Variants in SNRNP200 observed in about 807,000 individuals in gnomAD.
The protein encoded by SNRNP200 is small nuclear ribonucleoprotein U5 subunit 200, also known as U5 small nuclear ribonucleoprotein 200 kDa helicase.
In SNRNP200, 66 loss-of-function variants were observed where a neutral mutation model predicts 255.2. The ratio of observed to expected loss-of-function variants is 0.26; its 90% CI spans 0.21 to 0.32. The LOEUF (loss-of-function observed/expected upper bound fraction) is 0.32. Among genes scored for constraint, SNRNP200 ranks in the 10% least tolerant of loss-of-function variants. The pLI is 1.00. For synonymous variants in SNRNP200, 939 were observed against 1,027.8 expected, an observed-to-expected ratio of 0.91 and a Z score of 1.65; for missense variants, 1,585 against 2,749.8, an observed-to-expected ratio of 0.58 and a Z score of 9.47.
chr2:96,278,680 C>T lies in SNRNP200; in HGVS notation c.5355G>A (p.Leu1785=), dbSNP rs1231274174. ...TCAGGGTCTGCTCCACCAGCTCTGA[C>T]AAGTGGTCCGACAAGTGACGATGGG... ...GISHRHLSDH[L]SELVEQTLSD... is the part of the protein sequence containing the mutation. Residue 1785 remains leucine (L), a synonymous_variant, in exon 38 of 45, where the codon TTG becomes TTA. Coordinates refer to ENST00000323853, the MANE Select transcript of SNRNP200 (RefSeq NM_014014.5). The surrounding 1 kb of genome is among the most constrained non-coding windows in gnomAD (Gnocchi z 6.9). 3 of 1,614,110 alleles carry T rather than the reference C, an allele frequency of 1.9e-6. No individual in the cohort carries two copies. The highest frequency in any genetic ancestry group is 1.7e-6 in the Non-Finnish European group (2 of 1,180,050).
chr2:96,288,112 C>T (rs1005870116), intron 24 of SNRNP200, 143 bp from the exon 25 acceptor site: 5 of 748,706 alleles, frequency 6.7e-6, no homozygotes, highest in Non-Finnish European at 1.2e-5. Context: ...TGTCTTTACG[C>T]CTTTCTCCGT....
At position 96,289,913 on chromosome 2, in the gene SNRNP200, G is replaced by A; in HGVS notation, c.2826C>T (p.Asp942=). ...GGTCCAGCAGGGGATCTCCCTTGAG[G>A]TCATCATGAGAGATGCCATAGAGGG... ...SPTLYGISHD[D]LKGDPLLDQR... Residue 942 remains aspartate (D), a synonymous_variant, in exon 21 of 45, where the codon GAC becomes GAT. Transcript: ENST00000323853. The A allele has an allele frequency of 6.2e-7, 1 of 1,614,134 alleles. No homozygotes were observed. Among genetic ancestry groups the A allele is most frequent in the Non-Finnish European group, 8.5e-7 (1 of 1,180,022 alleles).
Position 96,296,645 on chromosome 2 carries a change from A to G in SNRNP200, c.1562T>C (p.Ile521Thr). 1.2e-6 allele frequency: 2 copies of G among 1,613,916 alleles called. No individual in the cohort carries two copies. The highest frequency in any genetic ancestry group is 1.7e-6 in the Non-Finnish European group (2 of 1,179,962). The change falls in exon 13 of 45, where the codon ATT becomes ACT. Residue 521 changes from isoleucine to threonine, a missense_variant. Around this residue, in one of 9 missense-constraint regions of SNRNP200, gnomAD observed 383 missense variants for 645.3 expected, o/e 0.59. Transcript: ENST00000323853. ...GCCGTCCATGTTTATGTGTTTCCCA[A>G]TCTCTCGGAGCATGCACATCAGGGC... Reference protein sequence around the residue: ...NVALMCMLREIGKHINMDGTI... With the variant: ...NVALMCMLRETGKHINMDGTI...
chr2:96,278,649 G>A lies in SNRNP200; in HGVS notation c.5386C>T (p.Leu1796=), dbSNP rs34435094. ...ATGCTGATGCACTTGGACTGCTCCAGGTCACTCAGGGTCTGCTCCACCAGC... is the reference window on the plus strand; with the variant it reads ...ATGCTGATGCACTTGGACTGCTCCAAGTCACTCAGGGTCTGCTCCACCAGC... ...SELVEQTLSD[L]EQSKCISIED... Residue 1796 remains leucine, a synonymous_variant, in exon 38 of 45, where the codon CTG becomes TTG. Transcript: ENST00000323853. The surrounding 1 kb of genome is among the most constrained non-coding windows in gnomAD (Gnocchi z 6.9). 7,313 of 1,614,202 alleles carry A rather than the reference G, an allele frequency of 4.5e-3. 300 individuals carry two copies. The African/African-American group carries it at 0.088, about 19-fold the overall frequency.
At position 96,278,371 on chromosome 2, in the gene SNRNP200, G is replaced by A. The variant is rs775263930; in HGVS notation, c.5489-13C>T. On this transcript the variant is annotated splice_polypyrimidine_tract_variant and intron_variant, in intron 38 of 44. Coordinates refer to ENST00000323853, the MANE Select transcript of SNRNP200 (RefSeq NM_014014.5). The surrounding 1 kb of genome is among the most constrained non-coding windows in gnomAD (Gnocchi z 6.9). ...ATGCTGAAGAGCTCTGACAGAAAAAGGAAATGTGAGAGAAGCTAAAACCAG... is the reference window on the plus strand; with the variant it reads ...ATGCTGAAGAGCTCTGACAGAAAAAAGAAATGTGAGAGAAGCTAAAACCAG... 6.2e-7 allele frequency: 1 copy of A among 1,614,170 alleles called. No individual in the cohort carries two copies. The highest frequency in any genetic ancestry group is 1.1e-5 in the South Asian group (1 of 91,066).
Position 96,279,016 on chromosome 2 carries a change from A to G in SNRNP200, c.5134-18T>C. ...AAGAAATCCTGTGGGTTGGAGAGGG[A>G]GAAGGAGTAATAAAGAATTAGTGAC... On this transcript the variant is annotated intron_variant, in intron 36 of 44. Coordinates refer to ENST00000323853, the MANE Select transcript of SNRNP200 (RefSeq NM_014014.5). 1 of 1,599,994 alleles carries G rather than the reference A, an allele frequency of 6.3e-7. No individual in the cohort carries two copies. The highest frequency in any genetic ancestry group is 8.6e-7 in the Non-Finnish European group (1 of 1,167,254).
chr2:96,299,319 C>G lies in SNRNP200; in HGVS notation c.729+10G>C. 6.2e-7 allele frequency: 1 copy of G among 1,612,846 alleles called. No individual in the cohort carries two copies. The highest frequency in any genetic ancestry group is 8.5e-7 in the Non-Finnish European group (1 of 1,178,956). ...CCTTGTAGCAATGAGGAAGAGCAAA[C>G]TGAACTTACATTAGCCGAGAGGGTG... is the stretch of plus-strand genomic sequence containing the variant. On this transcript the variant is annotated intron_variant, in intron 6 of 44. Coordinates refer to ENST00000323853, the MANE Select transcript of SNRNP200 (RefSeq NM_014014.5).
At chr2:96,302,889 G>A (rs1230475386) in intron 3 of SNRNP200, among the ~76,000 whole-genome samples, 1 of 152,168 alleles carries the variant, frequency 6.6e-6, no homozygotes, top group Non-Finnish European at 1.5e-5. Context: ...CCTCTCAGGC[G>A]CACCACCCTC....
rs183343019 is a variant in SNRNP200, at chr2:96,281,544, C to T, written c.5024+270G>A. ...TCACTTTTCCTAATCTACAAGATGT[C>T]TGAGATTAATGACGTAACGTCAAAC... On this transcript the variant is annotated intron_variant, in intron 35 of 44. Transcript: ENST00000323853. The T allele has an allele frequency of 7.5e-4, 327 of 436,948 alleles. 2 individuals carry two copies. Among genetic ancestry groups the T allele is most frequent in the Middle Eastern group, 2.1e-3 (3 of 1,406 alleles). The allele number at this position is 436,948 out of a possible 1,614,324, so 27.1% of individuals were successfully genotyped here. A position where few individuals can be genotyped will look rare whatever the true frequency, so the allele number is the denominator to read the frequency against.
intron 16 of SNRNP200, among the ~76,000 whole-genome samples, chr2:96,292,439 TTG>T (rs1350033200): frequency 6.6e-6 from 1 of 152,230 alleles, no homozygotes; most frequent in Non-Finnish European, 1.5e-5. Flanking sequence ...TCCTTATTTT[TTG>T]TTAGTTAACA....
intron 15 of SNRNP200, 80 bp from the exon 16 acceptor site, chr2:96,293,175 A>G: frequency 2.5e-6 from 4 of 1,594,266 alleles, no homozygotes; most frequent in South Asian, 1.1e-5. Context: ...CTGCCCCAAG[A>G]GCAATATTCC....
rs919196225 is a variant in SNRNP200, at chr2:96,276,781, C to G, written c.6174+123G>C. On this transcript the variant is annotated intron_variant, in intron 43 of 44. Coordinates refer to ENST00000323853, the MANE Select transcript of SNRNP200 (RefSeq NM_014014.5). ...CCCATAGCCTCAAGATTAATTCTCA[C>G]CCTTGTGAGCTGATTATCAGTCTAA... is the stretch of plus-strand genomic sequence containing the variant. 8.6e-5 allele frequency: 81 copies of G among 937,276 alleles called. No individual in the cohort carries two copies. In the African/African-American group the frequency reaches 1.1e-3, roughly 12 times the overall value. 58.1% of individuals were successfully genotyped at this position (937,276 alleles called of 1,614,324 possible).
At position 96,289,857 on chromosome 2, in the gene SNRNP200, G is replaced by A. The variant is rs761750406; in HGVS notation, c.2882C>T (p.Ala961Val). ...CAGATTGTTCTTGTCCAGCATCAGGGCAGCTGTATGAACCAGATCTAGTCG... is the reference window on the plus strand; with the variant it reads ...CAGATTGTTCTTGTCCAGCATCAGGACAGCTGTATGAACCAGATCTAGTCG... The part of the protein sequence containing the change: ...QRRLDLVHTA[A>V]LMLDKNNLVK... The change falls in exon 21 of 45, where the codon GCC becomes GTC. Residue 961 changes from alanine (A) to valine (V), a missense_variant. Around this residue, in one of 9 missense-constraint regions of SNRNP200, gnomAD observed 719 missense variants for 1,091.1 expected, o/e 0.66. Transcript: ENST00000323853. 1.2e-6 allele frequency: 2 copies of A among 1,614,188 alleles called. No homozygotes were observed. The highest frequency in any genetic ancestry group is 1.7e-5 in the Admixed American group (1 of 60,014).
At position 96,296,459 on chromosome 2, in the gene SNRNP200, C is replaced by T. The variant is rs1044329853; in HGVS notation, c.1671+77G>A. 1.4e-5 allele frequency: 20 copies of T among 1,432,378 alleles called. No individual in the cohort carries two copies. The African/African-American group carries it at 2.1e-4, about 15-fold the overall frequency. 88.7% of individuals were successfully genotyped at this position (1,432,378 alleles called of 1,614,324 possible). A position where few individuals can be genotyped will look rare whatever the true frequency, so the allele number is the denominator to read the frequency against. On this transcript the variant is annotated intron_variant, in intron 13 of 44. Coordinates refer to ENST00000323853, the MANE Select transcript of SNRNP200 (RefSeq NM_014014.5). ...GCCAGAGATGCCCTAATACAAGAAG[C>T]GGTGAGGTCCAGGCCTGTCCACAAC...
In SNRNP200 at chr2:96,277,058, A is replaced by G. The variant is rs2104330226; in HGVS notation, c.6092+23T>C. 6.2e-7 allele frequency: 1 copy of G among 1,614,142 alleles called. No individual in the cohort carries two copies. The highest frequency in any genetic ancestry group is 2.2e-5 in the East Asian group (1 of 44,882). On this transcript the variant is annotated intron_variant, in intron 42 of 44. Coordinates refer to ENST00000323853, the MANE Select transcript of SNRNP200 (RefSeq NM_014014.5). The surrounding 1 kb of genome is among the most constrained non-coding windows in gnomAD (Gnocchi z 4.4). The stretch of plus-strand genomic sequence containing the variant: ...CAGAGCACACTATTATGCTGTGCCC[A>G]ACAGGCACCACCTCTGGCTCACCTG...
chr2:96,279,120 A>G, intron 36 of SNRNP200, 122 bp from the exon 37 acceptor site: 1 of 794,488 alleles, frequency 1.3e-6, no homozygotes, highest in South Asian at 1.4e-5. Context: ...AAAATGGAAG[A>G]AGCCACACAT....
chr2:96,285,501 G>C (rs2063838772), intron 29 of SNRNP200, 161 bp from the exon 30 acceptor site: 2 of 756,322 alleles, frequency 2.6e-6, no homozygotes, highest in Non-Finnish European at 4.5e-6. Context: ...CTAACTCCAG[G>C]CCAGCCCTAC....
In SNRNP200 at chr2:96,295,459, T is replaced by C. The variant is rs1361930319; in HGVS notation, c.1842+29A>G. 5 of 1,612,458 alleles carry C rather than the reference T, an allele frequency of 3.1e-6. No individual in the cohort carries two copies. In the Admixed American group the frequency reaches 8.3e-5, roughly 27 times the overall value. ...CAAACCCGCCCTGACACAACTGGAC[T>C]CTATATTCTACGACTGCTCCCAACT... On this transcript the variant is annotated intron_variant, in intron 14 of 44. Coordinates refer to ENST00000323853, the MANE Select transcript of SNRNP200 (RefSeq NM_014014.5).
chr2:96,276,877 C>A (rs780202399), intron 43 of SNRNP200, 27 bp downstream of exon 43: 19 of 1,613,136 alleles, frequency 1.2e-5, no homozygotes, highest in Non-Finnish European at 1.6e-5. Flanking sequence ...GAGTTGACAC[C>A]TGACCAAGCC....
Sources: gnomAD v4.1 joint callset for allele counts (sites outside exome capture counted in the v4.1 genomes callset) on GRCh38, gnomAD v4.1.1 for gene constraint, gnomAD v4.1.1 regional missense constraint, Gnocchi (gnomAD v3.1) non-coding constraint, MANE v1.5 for transcripts, NCBI Gene and HGNC (gene_info 2026-07-23, HGNC 2026-07-21) for gene names.